LAMA2: variants seen among roughly 807,000 people sequenced by gnomAD.
LAMA2 encodes the protein laminin subunit alpha-2.
LAMA2 carries 269 observed loss-of-function variants against 364.8 expected under a neutral mutation model. The observed-to-expected ratio is 0.74, with a 90% confidence interval of 0.67 to 0.82. LAMA2 has a LOEUF of 0.82. Ranked by LOEUF, LAMA2 falls within the 40% of genes least tolerant of loss-of-function variation. The pLI, the probability that LAMA2 is intolerant of heterozygous loss-of-function variation, is 0.00. For missense variants in LAMA2, 3,807 were observed against 3,873.2 expected, an observed-to-expected ratio of 0.98 and a Z score of 0.45; for synonymous variants, 1,379 against 1,370.6, an observed-to-expected ratio of 1.01 and a Z score of -0.14.
chr6:129,024,382 C>CTTT (rs202105513), intron 1 of LAMA2, among the ~76,000 whole-genome samples: 2 of 116,822 alleles, frequency 1.7e-5, no homozygotes, highest in African/African-American at 5.7e-5. Context: ...TCTTTTCTTT[C>CTTT]TTTTTTTTTT....
intron 51 of LAMA2, among the ~76,000 whole-genome samples, chr6:129,470,392 A>G (rs890393690): frequency 3.9e-5 from 6 of 151,980 alleles, no homozygotes; most frequent in African/African-American, 7.2e-5. Context: ...AGGTCCAAGC[A>G]TACATACATT....
At chr6:129,225,173 G>A (rs1316479996) in intron 12 of LAMA2, among the ~76,000 whole-genome samples, 2 of 152,014 alleles carry the variant, frequency 1.3e-5, no homozygotes, top group Admixed American at 6.5e-5. Flanking sequence ...TGGGATCGGT[G>A]GTGATATCCC....
At chr6:129,360,859 C>A (rs887262019) in intron 32 of LAMA2, among the ~76,000 whole-genome samples, 10 of 152,262 alleles carry the variant, frequency 6.6e-5, no homozygotes, top group Admixed American at 6.5e-5. Flanking sequence ...TACATCAGCT[C>A]TAGTTCTGCA....
At chr6:129,219,850 G>A (rs535334576) in intron 12 of LAMA2, among the ~76,000 whole-genome samples, 48 of 145,490 alleles carry the variant, frequency 3.3e-4, no homozygotes, top group Non-Finnish European at 6.0e-4. Flanking sequence ...AGGGGGGAGA[G>A]ATAGCATTAG....
intron 40 of LAMA2, among the ~76,000 whole-genome samples, chr6:129,417,495 A>G (rs1780858507): frequency 6.6e-6 from 1 of 152,008 alleles, no homozygotes; most frequent in Admixed American, 6.5e-5. Context: ...TGGCCCAAAA[A>G]AAGCACCATA....
chr6:129,095,633 G>A (rs768848127), intron 3 of LAMA2, among the ~76,000 whole-genome samples: 3 of 151,850 alleles, frequency 2.0e-5, no homozygotes, highest in East Asian at 1.9e-4. Context: ...CAAGCTGGCC[G>A]GGCACGGTGG....
chr6:129,347,617 A>G (rs566464965), intron 30 of LAMA2, among the ~76,000 whole-genome samples: 1 of 152,270 alleles, frequency 6.6e-6, no homozygotes, highest in Admixed American at 6.5e-5. Context: ...AATTCTGTTG[A>G]GGGGAGTTTG....
intron 44 of LAMA2, among the ~76,000 whole-genome samples, chr6:129,444,979 T>G (rs1220982203): frequency 6.6e-6 from 1 of 152,246 alleles, no homozygotes; most frequent in Non-Finnish European, 1.5e-5. Context: ...ATTTTAGGGT[T>G]GAAACTTTGA....
At chr6:129,186,481 C>T (rs181120433) in intron 10 of LAMA2, among the ~76,000 whole-genome samples, 12 of 136,478 alleles carry the variant, frequency 8.8e-5, no homozygotes, top group Middle Eastern at 3.6e-3. Context: ...TATGGTTTTA[C>T]TGTGTGTATT....
At chr6:129,031,834 C>CT (rs1554202174) in intron 1 of LAMA2, among the ~76,000 whole-genome samples, 21 of 151,068 alleles carry the variant, frequency 1.4e-4, no homozygotes, top group Admixed American at 1.1e-3. Flanking sequence ...CTTTTCTTTT[C>CT]TTTTTTTTTG....
chr6:129,451,543 G>T (rs974387424), intron 45 of LAMA2, among the ~76,000 whole-genome samples: 21 of 152,186 alleles, frequency 1.4e-4, no homozygotes, highest in African/African-American at 4.8e-4. Flanking sequence ...TTTCTCTCCA[G>T]AACACAGTGT....
At chr6:129,016,212 A>G (rs1057041933) in intron 1 of LAMA2, among the ~76,000 whole-genome samples, 2 of 152,112 alleles carry the variant, frequency 1.3e-5, no homozygotes, top group South Asian at 4.1e-4. Context: ...TCTATGATTC[A>G]GATGAGACAT....
intron 24 of LAMA2, 151 bp from the exon 25 acceptor site, chr6:129,315,325 T>C (rs1260504913): frequency 5.9e-6 from 4 of 676,188 alleles, no homozygotes; most frequent in Non-Finnish European, 2.6e-6. Context: ...CGTCCTGCCA[T>C]GCTTGCCCAC....
intron 1 of LAMA2, among the ~76,000 whole-genome samples, chr6:128,976,060 A>T (rs1459929549): frequency 5.3e-5 from 8 of 152,224 alleles, no homozygotes; most frequent in Admixed American, 3.3e-4. Flanking sequence ...CATTAAAAGG[A>T]TGTGAAGTAA....
intron 4 of LAMA2, among the ~76,000 whole-genome samples, chr6:129,114,573 A>G (rs2114907015): frequency 6.6e-6 from 1 of 152,118 alleles, no homozygotes; most frequent in South Asian, 2.1e-4. Flanking sequence ...GATAAGAATG[A>G]ATGTTTTCTG....
intron 14 of LAMA2, among the ~76,000 whole-genome samples, chr6:129,254,699 A>G (rs1786507778): frequency 6.6e-6 from 1 of 152,226 alleles, no homozygotes; most frequent in Admixed American, 6.5e-5. Context: ...TGTCTTCACT[A>G]GGAAGATGAA....
At chr6:129,133,127 C>T (rs1010222663) in intron 4 of LAMA2, among the ~76,000 whole-genome samples, 3 of 152,174 alleles carry the variant, frequency 2.0e-5, no homozygotes, top group African/African-American at 4.8e-5. Flanking sequence ...GGTTTATAAA[C>T]CCACTGAAGT....
At chr6:129,324,073 A>G (rs757878910) in intron 28 of LAMA2, among the ~76,000 whole-genome samples, 1 of 152,244 alleles carries the variant, frequency 6.6e-6, no homozygotes, top group Non-Finnish European at 1.5e-5. Context: ...TCTGTTGCAC[A>G]CCAGAGACCC....
At chr6:129,330,234 C>T (rs1369404709) in intron 29 of LAMA2, among the ~76,000 whole-genome samples, 2 of 151,816 alleles carry the variant, frequency 1.3e-5, no homozygotes, top group Non-Finnish European at 2.9e-5. Flanking sequence ...ATATAACATG[C>T]TTGCATCATC....
Sources: allele counts gnomAD v4.1 joint callset (sites outside exome capture counted in the v4.1 genomes callset), GRCh38; gene constraint gnomAD v4.1.1; transcripts MANE v1.5; gene names NCBI Gene and HGNC (gene_info 2026-07-23, HGNC 2026-07-21).